DLC1: variants seen among roughly 807,000 people sequenced by gnomAD.
DLC1 encodes the protein rho GTPase-activating protein 7.
In DLC1, 54 loss-of-function variants were observed where a neutral mutation model predicts 140.3. The observed-to-expected ratio is 0.38, with a 90% CI of 0.31 to 0.48. The LOEUF (loss-of-function observed/expected upper bound fraction) is 0.48. Among genes scored for constraint, DLC1 ranks in the 20% least tolerant of loss-of-function variants. DLC1 has a pLI of 0.96. For synonymous variants in DLC1, 986 were observed against 728.1 expected (o/e 1.35, Z -5.70); for missense variants, 2,536 against 1,907.0 (o/e 1.33, Z -6.14).
At chr8:13,445,535 A>G (rs1298272004) in intron 2 of DLC1, among the ~76,000 whole-genome samples, 1 of 152,228 alleles carries the variant, frequency 6.6e-6, no homozygotes, top group African/African-American at 2.4e-5. Context: ...GGAACCACCA[A>G]TGATTAAAGC....
intron 5 of DLC1, among the ~76,000 whole-genome samples, chr8:13,273,511 TC>T (rs1831035049): frequency 6.6e-6 from 1 of 152,186 alleles, no homozygotes; most frequent in African/African-American, 2.4e-5. Flanking sequence ...GATCTGTCCT[TC>T]CTCACAAACT....
chr8:13,550,396 C>G (rs532561484), intron 1 of DLC1, among the ~76,000 whole-genome samples: 37 of 152,240 alleles, frequency 2.4e-4, no homozygotes, highest in Admixed American at 9.8e-4. Context: ...TTGTACTTCT[C>G]TTCTTTATGA....
chr8:13,172,752 G>A (rs1825555116), intron 5 of DLC1, among the ~76,000 whole-genome samples: 1 of 152,194 alleles, frequency 6.6e-6, no homozygotes, highest in African/African-American at 2.4e-5. Flanking sequence ...TAGCTTCGCT[G>A]ATCTAACAGG....
At chr8:13,128,728 G>C (rs936383631) in intron 5 of DLC1, among the ~76,000 whole-genome samples, 2 of 152,106 alleles carry the variant, frequency 1.3e-5, no homozygotes, top group South Asian at 2.1e-4. Flanking sequence ...CCAGCTACTC[G>C]GGAGGCTGGG....
chr8:13,387,855 G>T (rs1008551515), intron 4 of DLC1, among the ~76,000 whole-genome samples: 2 of 151,966 alleles, frequency 1.3e-5, no homozygotes, highest in African/African-American at 4.8e-5. Flanking sequence ...TAGCAAAGAC[G>T]TTCGCATGTT....
intron 5 of DLC1, among the ~76,000 whole-genome samples, chr8:13,285,176 C>G (rs957291658): frequency 8.5e-5 from 13 of 152,096 alleles, no homozygotes; most frequent in Non-Finnish European, 1.8e-4. Context: ...ATTGATTTAA[C>G]TATAGAAATT....
chr8:13,561,707 G>A (rs1441318849), intron 1 of DLC1, among the ~76,000 whole-genome samples: 1 of 152,100 alleles, frequency 6.6e-6, no homozygotes, highest in Non-Finnish European at 1.5e-5. Context: ...TTTATATCAT[G>A]TAGGTAATTC....
At chr8:13,413,604 G>T (rs1411714001) in intron 2 of DLC1, among the ~76,000 whole-genome samples, 3 of 151,926 alleles carry the variant, frequency 2.0e-5, no homozygotes, top group East Asian at 3.9e-4. Context: ...GGTGTTGAGG[G>T]AGGGACCTGT....
intron 4 of DLC1, among the ~76,000 whole-genome samples, chr8:13,372,173 A>G (rs1835761199): frequency 6.6e-6 from 1 of 152,088 alleles, no homozygotes; most frequent in South Asian, 2.1e-4. Flanking sequence ...TGGCTTTGAT[A>G]GTGGGAAATA....
chr8:13,133,309 A>C lies in DLC1; in HGVS notation c.1349-17652T>G, dbSNP rs17553586. On this transcript the variant is annotated intron_variant, in intron 5 of 17. Transcript: ENST00000276297. The stretch of plus-strand genomic sequence containing the variant: ...CGAACTGTCTCCCGCGCGCTCCGCC[A>C]GCCGGGCCCTCCCGCTGGGCCCACC... 3.5e-5 allele frequency: 42 copies of C among 1,214,754 alleles called. No homozygotes were observed. The African/African-American group carries it at 5.2e-4, about 15-fold the overall frequency. 75.2% of individuals were successfully genotyped at this position (1,214,754 alleles called of 1,614,324 possible). A position where few individuals can be genotyped will look rare whatever the true frequency, so the allele number is the denominator to read the frequency against.
intron 5 of DLC1, among the ~76,000 whole-genome samples, chr8:13,217,137 A>C (rs1165279241): frequency 1.3e-5 from 2 of 152,156 alleles, no homozygotes; most frequent in African/African-American, 4.8e-5. Context: ...CTAAGTTCTA[A>C]AATTTAAAGA....
chr8:13,253,746 G>A lies in DLC1; in HGVS notation c.1348+51523C>T, dbSNP rs544147310. On this transcript the variant is annotated intron_variant, in intron 5 of 17. Transcript: ENST00000276297. ...GGCTGGAGAGTGGGCTTAGGAAGAG[G>A]AGGAATTCAGTTAGTCTGAGTCAAT... is the stretch of plus-strand genomic sequence containing the variant. Among the ~76,000 whole-genome samples the A allele has an allele frequency of 3.9e-5, 6 of 152,266 alleles. No individual in the cohort carries two copies. The South Asian group carries it at 8.3e-4, about 21-fold the overall frequency.
At chr8:13,111,925 C>T (rs1255514152) in intron 6 of DLC1, among the ~76,000 whole-genome samples, 1 of 152,074 alleles carries the variant, frequency 6.6e-6, no homozygotes, top group Non-Finnish European at 1.5e-5. Flanking sequence ...GACAGAAGAT[C>T]ATTTGAGCTC....
intron 2 of DLC1, among the ~76,000 whole-genome samples, chr8:13,402,392 G>T (rs1837336547): frequency 6.6e-6 from 1 of 152,164 alleles, no homozygotes; most frequent in South Asian, 2.1e-4. Context: ...AAGTCAATTA[G>T]TTCTAGGAAT....
chr8:13,294,368 C>T (rs1831869409), intron 5 of DLC1, among the ~76,000 whole-genome samples: 2 of 151,924 alleles, frequency 1.3e-5, no homozygotes, highest in African/African-American at 4.8e-5. Flanking sequence ...GCTCAGAAGA[C>T]AATGACAGTC....
intron 1 of DLC1, among the ~76,000 whole-genome samples, chr8:13,532,009 A>G (rs946324786): frequency 1.3e-5 from 2 of 152,240 alleles, no homozygotes; most frequent in African/African-American, 4.8e-5. Flanking sequence ...TCTAGTCTCC[A>G]GGCAGAAGCC....
At chr8:13,561,715 T>C (rs1804249944) in intron 1 of DLC1, among the ~76,000 whole-genome samples, 1 of 152,206 alleles carries the variant, frequency 6.6e-6, no homozygotes, top group Non-Finnish European at 1.5e-5. Flanking sequence ...ATGTAGGTAA[T>C]TCTGACTGCT....
chr8:13,114,653 G>A (rs990571323), intron 6 of DLC1, among the ~76,000 whole-genome samples: 1 of 152,092 alleles, frequency 6.6e-6, no homozygotes, highest in Non-Finnish European at 1.5e-5. Context: ...TCTGCAACAC[G>A]TGACCAATGA....
chr8:13,594,477 C>T (rs923172405), intron 1 of DLC1, among the ~76,000 whole-genome samples: 13 of 152,096 alleles, frequency 8.5e-5, no homozygotes, highest in Admixed American at 3.3e-4. Flanking sequence ...ACATTGCTTT[C>T]GTCTCTTTTC....
Sources: gnomAD v4.1 joint callset for allele counts (sites outside exome capture counted in the v4.1 genomes callset) on GRCh38, gnomAD v4.1.1 for gene constraint, MANE v1.5 for transcripts, NCBI Gene and HGNC (gene_info 2026-07-23, HGNC 2026-07-21) for gene names.